Variants in AHNAK observed in about 807,000 individuals in gnomAD.
The protein encoded by AHNAK is AHNAK nucleoprotein, also known as neuroblast differentiation-associated protein AHNAK.
A neutral mutation model predicts 37.8 loss-of-function variants in AHNAK; 23 were observed. That is an observed-to-expected ratio of 0.61 (90% CI 0.44 to 0.86). The LOEUF is 0.86. Ranked by LOEUF, AHNAK falls within the 40% of genes least tolerant of loss-of-function variation. The pLI is 0.00. For synonymous variants in AHNAK, 2,481 were observed against 2,636.3 expected (o/e 0.94, Z 1.80); for missense variants, 7,411 against 7,319.4 (o/e 1.01, Z -0.46).
chr11:62,488,490 C>T (rs1939439016), intron 5 of AHNAK, among the ~76,000 whole-genome samples: 1 of 151,950 alleles, frequency 6.6e-6, no homozygotes, highest in Non-Finnish European at 1.5e-5. Flanking sequence ...CAGCCTCCGC[C>T]CCCTGGGTTC....
At chr11:62,496,021 C>T (rs1461744387) in intron 4 of AHNAK, among the ~76,000 whole-genome samples, 2 of 148,296 alleles carry the variant, frequency 1.3e-5, no homozygotes, top group African/African-American at 5.0e-5. Flanking sequence ...TGCACTCCAG[C>T]ATGGGTGACA....
At chr11:62,448,459 T>C (rs1233247361) in intron 5 of AHNAK, among the ~76,000 whole-genome samples, 1 of 152,032 alleles carries the variant, frequency 6.6e-6, no homozygotes, top group Non-Finnish European at 1.5e-5. Context: ...GTGGCCACCT[T>C]TGTGATGTCT....
chr11:62,445,528 A>G (rs1250815618), intron 5 of AHNAK, among the ~76,000 whole-genome samples: 2 of 152,214 alleles, frequency 1.3e-5, no homozygotes, highest in Admixed American at 6.5e-5. Context: ...GAAAGATGCC[A>G]GAAGTGAGAG....
chr11:62,535,032 A>G lies in AHNAK; in HGVS notation c.313T>C (p.Phe105Leu). ...EPGQTWTREV[F>L]SSCSSEVVLS... ...ACCACTTCAGAGCTGCAGGAGCTGAAGACTTCACGGGTCCAGGTCTGGCCA... is the reference window on the plus strand; with the variant it reads ...ACCACTTCAGAGCTGCAGGAGCTGAGGACTTCACGGGTCCAGGTCTGGCCA... Residue 105 changes from phenylalanine (F) to leucine (L), a missense_variant, in exon 4 of 5, where the codon TTC (phenylalanine) becomes CTC (leucine). Coordinates refer to ENST00000378024, the MANE Select transcript of AHNAK (RefSeq NM_001620.3). 1.2e-6 allele frequency: 2 copies of G among 1,612,604 alleles called. No individual in the cohort carries two copies. The highest frequency in any genetic ancestry group is 1.3e-5 in the African/African-American group (1 of 75,026).
At chr11:62,484,809 G>T (rs1939355763) in intron 5 of AHNAK, among the ~76,000 whole-genome samples, 1 of 152,150 alleles carries the variant, frequency 6.6e-6, no homozygotes, top group African/African-American at 2.4e-5. Context: ...TTGTTTTTGA[G>T]ACAGAGTTTC....
intron 5 of AHNAK, among the ~76,000 whole-genome samples, chr11:62,480,781 T>C (rs1246596293): frequency 7.4e-6 from 1 of 135,704 alleles, no homozygotes; most frequent in East Asian, 2.1e-4. Context: ...CTCTCTGCTA[T>C]GCAAGGAATT....
chr11:62,441,428 G>C (rs1444241450), intron 5 of AHNAK, among the ~76,000 whole-genome samples: 1 of 152,086 alleles, frequency 6.6e-6, no homozygotes, highest in African/African-American at 2.4e-5. Context: ...ACCTGTGATG[G>C]AGCCACTGCC....
intron 5 of AHNAK, among the ~76,000 whole-genome samples, chr11:62,476,583 A>G (rs1939151871): frequency 6.6e-6 from 1 of 152,222 alleles, no homozygotes; most frequent in Non-Finnish European, 1.5e-5. Flanking sequence ...TGGAAAGGTG[A>G]AAAAGCTTTA....
chr11:62,497,172 G>A (rs1939626446), intron 4 of AHNAK, among the ~76,000 whole-genome samples: 2 of 152,200 alleles, frequency 1.3e-5, no homozygotes, highest in Admixed American at 1.3e-4. Context: ...GCCAAGCACA[G>A]GTCAAAACCA....
At position 62,520,349 on chromosome 11, in the gene AHNAK, C is replaced by G. The variant is rs199880103; in HGVS notation, c.14068G>C (p.Val4690Leu). The change falls in exon 5 of 5, where the codon GTT becomes CTT. Residue 4690 changes from valine to leucine, a missense_variant. Transcript: ENST00000378024. ...TCGATATTCACATCAGGAACATCAACGTCCACTTTGGGTCCTGAGACATCA... is the reference window on the plus strand; with the variant it reads ...TCGATATTCACATCAGGAACATCAAGGTCCACTTTGGGTCCTGAGACATCA... ...DIDVSGPKVD[V>L]DVPDVNIEGP... 2.5e-6 allele frequency: 4 copies of G among 1,613,162 alleles called. No homozygotes were observed. Among genetic ancestry groups the G allele is most frequent in the Non-Finnish European group, 3.4e-6 (4 of 1,179,832 alleles).
chr11:62,518,684 C>G lies in AHNAK; in HGVS notation c.15733G>C (p.Gly5245Arg). 6.2e-7 allele frequency: 1 copy of G among 1,614,150 alleles called. No homozygotes were observed. Among genetic ancestry groups the G allele is most frequent in the African/African-American group, 1.3e-5 (1 of 75,044 alleles). ...GCTCCCCCACCCTCCATTTTCACAC[C>G]TGGGATGCCGATCTTGGGCATGGAA... is the stretch of plus-strand genomic sequence containing the variant. ...KFSMPKIGIP[G>R]VKMEGGGAEV... is the part of the protein sequence containing the mutation. The change falls in exon 5 of 5, where the codon GGT becomes CGT. Residue 5245 changes from glycine to arginine, a missense_variant. Physicochemically the swap from Gly to Arg is moderately radical, Grantham distance 125. Transcript: ENST00000378024.
At chr11:62,484,779 T>TTGTTC in intron 5 of AHNAK, among the ~76,000 whole-genome samples, 1 of 152,052 alleles carries the variant, frequency 6.6e-6, no homozygotes, top group African/African-American at 2.4e-5. Flanking sequence ...TTGTTTTGTT[T>TTGTTC]TGTTCTGTTT....
chr11:62,510,764 C>CATAT (rs571038769), intron 4 of AHNAK, among the ~76,000 whole-genome samples: 2 of 148,772 alleles, frequency 1.3e-5, no homozygotes, highest in African/African-American at 5.0e-5. Context: ...ACAAAAAAAC[C>CATAT]ATATATATAT....
At position 62,520,120 on chromosome 11, in the gene AHNAK, G is replaced by T; in HGVS notation, c.14297C>A (p.Thr4766Asn). The change falls in exon 5 of 5, where the codon ACC becomes AAC. Residue 4766 changes from threonine to asparagine, a missense_variant. Coordinates refer to ENST00000378024, the MANE Select transcript of AHNAK (RefSeq NM_001620.3). ...DIKGPKVDIN[T>N]PDVDVHGPDW... ...TGGGCCATGAACATCCACATCAGGG[G>T]TGTTGATGTCCACTTTTGGGCCCTT... 1.9e-6 allele frequency: 3 copies of T among 1,610,816 alleles called. No homozygotes were observed. The highest frequency in any genetic ancestry group is 2.5e-6 in the Non-Finnish European group (3 of 1,179,130).
rs1040753253 is a variant in AHNAK at position 62,522,166 on chromosome 11, A to G, written c.12251T>C (p.Leu4084Ser). The G allele has an allele frequency of 1.2e-6, 2 of 1,613,668 alleles. No individual in the cohort carries two copies. ...TGAGACATCAATGTCAGCTTTGGGCAAATTAACATCCACTTCTGGGCCCTC... is the reference window on the plus strand; with the variant it reads ...TGAGACATCAATGTCAGCTTTGGGCGAATTAACATCCACTTCTGGGCCCTC... ...KGEGPEVDVN[L>S]PKADIDVSGP... Residue 4084 changes from leucine (L) to serine (S), a missense_variant, in exon 5 of 5, where the codon TTG (leucine) becomes TCG (serine). By Grantham distance (145) the Leu-to-Ser change is moderately radical. Coordinates refer to ENST00000378024, the MANE Select transcript of AHNAK (RefSeq NM_001620.3).
intron 5 of AHNAK, among the ~76,000 whole-genome samples, chr11:62,467,222 A>AC (rs1488698056): frequency 4.6e-5 from 7 of 151,646 alleles, no homozygotes; most frequent in Non-Finnish European, 1.0e-4. Flanking sequence ...AAAAAAAAAA[A>AC]AAAAAACTTA....
At chr11:62,488,353 A>T (rs1283478100) in intron 5 of AHNAK, among the ~76,000 whole-genome samples, 1 of 152,002 alleles carries the variant, frequency 6.6e-6, no homozygotes, top group African/African-American at 2.4e-5. Flanking sequence ...AATGGCCACC[A>T]TGTAAGCACT....
chr11:62,536,008 C>G lies in AHNAK; in HGVS notation c.91G>C (p.Gly31Arg). ...TGCGTCACCTCCTGCACAAAGACGC[C>G]GTCGTCCCTCTGGGCGATGGTCAGC... Reference protein sequence around the residue: ...HGLTIAQRDDGVFVQEVTQNS... With the variant: ...HGLTIAQRDDRVFVQEVTQNS... Residue 31 changes from glycine to arginine, a missense_variant, in exon 3 of 5, where the codon GGC becomes CGC. Physicochemically the swap from Gly to Arg is moderately radical, Grantham distance 125 (BLOSUM62 -2). Coordinates refer to ENST00000378024, the MANE Select transcript of AHNAK (RefSeq NM_001620.3). The G allele has an allele frequency of 6.2e-7, 1 of 1,612,834 alleles. No individual in the cohort carries two copies. The highest frequency in any genetic ancestry group is 8.5e-7 in the Non-Finnish European group (1 of 1,179,430).
intron 5 of AHNAK, among the ~76,000 whole-genome samples, chr11:62,434,654 G>T (rs574106439): frequency 1.3e-5 from 2 of 152,096 alleles, no homozygotes; most frequent in Admixed American, 1.3e-4. Flanking sequence ...CGGGCCAGGC[G>T]CAGTGGCTCA....
Sources: allele counts gnomAD v4.1 joint callset (sites outside exome capture counted in the v4.1 genomes callset), GRCh38; gene constraint gnomAD v4.1.1; transcripts MANE v1.5; gene names NCBI Gene and HGNC (gene_info 2026-07-23, HGNC 2026-07-21).